Variants in GPD2 observed in about 807,000 individuals in gnomAD.
GPD2 encodes glycerol-3-phosphate dehydrogenase, mitochondrial.
In GPD2, 54 loss-of-function variants were observed where a neutral mutation model predicts 82.4. That is an observed-to-expected ratio of 0.66 (90% confidence interval 0.53 to 0.82). GPD2 has a LOEUF of 0.82. Among genes scored for constraint, GPD2 ranks in the 40% least tolerant of loss-of-function variants. The pLI, the probability that GPD2 is intolerant of heterozygous loss-of-function variation, is 0.00. For missense variants in GPD2, 748 were observed against 896.2 expected (o/e 0.83, Z 2.11); for synonymous variants, 288 against 306.1 (o/e 0.94, Z 0.62).
At chr2:156,556,900 A>G (rs989462330) in intron 8 of GPD2, among the ~76,000 whole-genome samples, 1 of 152,184 alleles carries the variant, frequency 6.6e-6, no homozygotes, top group African/African-American at 2.4e-5. Flanking sequence ...AGAAAGGTAG[A>G]CCCTTCACTT....
chr2:156,566,290 T>C (rs572012179), intron 9 of GPD2, among the ~76,000 whole-genome samples: 296 of 152,190 alleles, frequency 1.9e-3, no homozygotes, highest in Non-Finnish European at 3.6e-3. Flanking sequence ...TACATTCACA[T>C]TGTCATGCAA....
intron 1 of GPD2, among the ~76,000 whole-genome samples, chr2:156,457,510 G>T (rs1445205217): frequency 6.6e-6 from 1 of 152,210 alleles, no homozygotes; most frequent in Non-Finnish European, 1.5e-5. Context: ...ATTTTTGATA[G>T]AACACTCTGA....
In GPD2 at chr2:156,582,968, A is replaced by G; in HGVS notation, c.*50A>G. ...ACAAACATAGAAACGACAAATCACC[A>G]TGTAACAACCAGAGATGACTGAAAC... On this transcript the variant is annotated 3_prime_UTR_variant, in exon 17 of 17. Coordinates refer to ENST00000438166, the MANE Select transcript of GPD2 (RefSeq NM_000408.5). The G allele has an allele frequency of 1.9e-6, 3 of 1,599,768 alleles. No homozygotes were observed. The highest frequency in any genetic ancestry group is 2.6e-6 in the Non-Finnish European group (3 of 1,168,092).
chr2:156,504,250 A>G (rs1684703372), intron 3 of GPD2, among the ~76,000 whole-genome samples: 1 of 152,150 alleles, frequency 6.6e-6, no homozygotes, highest in Non-Finnish European at 1.5e-5. Flanking sequence ...CAGCTTTACA[A>G]GAGGATAATA....
At chr2:156,470,285 C>T (rs1683284669) in intron 1 of GPD2, among the ~76,000 whole-genome samples, 1 of 152,012 alleles carries the variant, frequency 6.6e-6, no homozygotes, top group South Asian at 2.1e-4. Flanking sequence ...GCCTTGACCT[C>T]CTGGGCACAC....
intron 7 of GPD2, 107 bp downstream of exon 7, chr2:156,549,879 CAG>C: frequency 2.3e-6 from 2 of 856,862 alleles, no homozygotes; most frequent in Non-Finnish European, 3.9e-6. Flanking sequence ...TGCCACGCTT[CAG>C]AGTCATATTA....
the GPD2 span, among the ~76,000 whole-genome samples, chr2:156,418,413 A>AG: frequency 6.6e-6 from 1 of 151,344 alleles, no homozygotes; most frequent in Non-Finnish European, 1.5e-5. Flanking sequence ...AGAGAGAGAG[A>AG]AAAAGAAAAA....
chr2:156,447,126 T>C (rs1682394219), intron 1 of GPD2, among the ~76,000 whole-genome samples: 1 of 152,206 alleles, frequency 6.6e-6, no homozygotes, highest in East Asian at 1.9e-4. Context: ...TTTACAAGAA[T>C]GCTCAAGATT....
chr2:156,480,465 A>G (rs975115175), intron 2 of GPD2, among the ~76,000 whole-genome samples: 5 of 151,972 alleles, frequency 3.3e-5, no homozygotes, highest in African/African-American at 1.2e-4. Flanking sequence ...CATTTATTTC[A>G]TACCTTCTAG....
chr2:156,582,936 A>G lies in GPD2; in HGVS notation c.*18A>G. 6.2e-7 allele frequency: 1 copy of G among 1,612,160 alleles called. No homozygotes were observed. The highest frequency in any genetic ancestry group is 2.2e-5 in the East Asian group (1 of 44,820). ...GATTGTGAGTCTGGGCAGTAAATCC[A>G]CAGCCAACAAACATAGAAACGACAA... is the stretch of plus-strand genomic sequence containing the variant. On this transcript the variant is annotated 3_prime_UTR_variant, in exon 17 of 17. Coordinates refer to ENST00000438166, the MANE Select transcript of GPD2 (RefSeq NM_000408.5).
At chr2:156,449,005 CT>C (rs1241287562) in intron 1 of GPD2, among the ~76,000 whole-genome samples, 1 of 152,208 alleles carries the variant, frequency 6.6e-6, no homozygotes, top group Non-Finnish European at 1.5e-5. Context: ...TCACTCCAGT[CT>C]CTACTTCTGT....
intron 1 of GPD2, among the ~76,000 whole-genome samples, chr2:156,461,306 CT>C (rs1279203979): frequency 2.6e-5 from 4 of 151,956 alleles, no homozygotes; most frequent in African/African-American, 9.7e-5. Flanking sequence ...ATCCTCTATA[CT>C]GCAGCTAGGG....
intron 6 of GPD2, among the ~76,000 whole-genome samples, chr2:156,517,269 T>C (rs965906722): frequency 3.9e-5 from 6 of 152,232 alleles, no homozygotes; most frequent in African/African-American, 1.4e-4. Flanking sequence ...TTCATACTTT[T>C]TGATGTAGTA....
At chr2:156,512,370 C>CTGTTGTTCT in intron 5 of GPD2, 53 bp downstream of exon 5, 1 of 863,862 alleles carries the variant, frequency 1.2e-6, no homozygotes, top group Non-Finnish European at 2.0e-6. Context: ...GTCAATAGAA[C>CTGTTGTTCT]AACAGTTTTA....
At chr2:156,542,957 T>A (rs889407505) in intron 6 of GPD2, among the ~76,000 whole-genome samples, 1 of 152,186 alleles carries the variant, frequency 6.6e-6, no homozygotes, top group African/African-American at 2.4e-5. Flanking sequence ...AATCTTATTC[T>A]CCCTAAATCA....
chr2:156,400,604 C>G, the GPD2 span, among the ~76,000 whole-genome samples: 1 of 152,174 alleles, frequency 6.6e-6, no homozygotes, highest in African/African-American at 2.4e-5. Context: ...TGCGCGAGGT[C>G]TGAATGCACA....
the GPD2 span, among the ~76,000 whole-genome samples, chr2:156,407,518 T>G: frequency 6.6e-6 from 1 of 152,180 alleles, no homozygotes; most frequent in Non-Finnish European, 1.5e-5. Flanking sequence ...AAAACATTAT[T>G]TTTTCTATCT....
chr2:156,452,968 T>G (rs1682667439), intron 1 of GPD2, among the ~76,000 whole-genome samples: 1 of 152,066 alleles, frequency 6.6e-6, no homozygotes, highest in African/African-American at 2.4e-5. Context: ...CCCAGTGAAG[T>G]GTGATGATAT....
At chr2:156,484,311 T>A (rs942017494) in intron 2 of GPD2, among the ~76,000 whole-genome samples, 1 of 151,856 alleles carries the variant, frequency 6.6e-6, no homozygotes, top group Non-Finnish European at 1.5e-5. Flanking sequence ...AATTTTTGTA[T>A]TTTTTAGTAG....
Sources: allele counts gnomAD v4.1 joint callset (sites outside exome capture counted in the v4.1 genomes callset), GRCh38; gene constraint gnomAD v4.1.1; transcripts MANE v1.5; gene names NCBI Gene and HGNC (gene_info 2026-07-23, HGNC 2026-07-21).